SLC22A25: variants seen among roughly 807,000 people sequenced by gnomAD.
SLC22A25 encodes the protein solute carrier family 22 member 25.
A neutral mutation model predicts 45.9 loss-of-function variants in SLC22A25; 44 were observed. The ratio of observed to expected loss-of-function variants is 0.96; its 90% CI spans 0.75 to 1.23. The LOEUF (loss-of-function observed/expected upper bound fraction) is 1.23, where lower values mean the gene tolerates loss of function less well. SLC22A25 is among the 50% of genes most tolerant of loss of function. The probability of loss-of-function intolerance (pLI) is 0.00; values close to 1 mark genes in which losing one functional copy is unlikely to be tolerated. For missense variants in SLC22A25, 800 were observed against 666.4 expected, an observed-to-expected ratio of 1.20 and a Z score of -2.21; for synonymous variants, 283 against 238.6, an observed-to-expected ratio of 1.19 and a Z score of -1.72.
Position 63,164,646 on chromosome 11 carries a change from A to G in SLC22A25, c.1286-12T>C, listed in dbSNP as rs748372579. The G allele has an allele frequency of 1.9e-6, 3 of 1,603,812 alleles. No homozygotes were observed. The highest frequency in any genetic ancestry group is 2.6e-6 in the Non-Finnish European group (3 of 1,170,856). On this transcript the variant is annotated splice_polypyrimidine_tract_variant and intron_variant, in intron 10 of 11. Transcript: ENST00000306494. Reference sequence around the variant, plus strand: ...CAGGGTCTGCATTTCTGGAGAAAGGAAGACCACAGGGCCTCAGGAAATCTG... The same window carrying G: ...CAGGGTCTGCATTTCTGGAGAAAGGGAGACCACAGGGCCTCAGGAAATCTG...
At chr11:63,204,554 A>G (rs1327223257) in intron 7 of SLC22A25, among the ~76,000 whole-genome samples, 4 of 152,168 alleles carry the variant, frequency 2.6e-5, no homozygotes, top group African/African-American at 7.2e-5. Context: ...AAGATCAAAA[A>G]AGTCAAAGAA....
chr11:63,209,434 G>A (rs1322028037), intron 7 of SLC22A25, among the ~76,000 whole-genome samples: 2 of 152,178 alleles, frequency 1.3e-5, no homozygotes, highest in Non-Finnish European at 2.9e-5. Flanking sequence ...GCCAGAATAA[G>A]GCAGGAGGCA....
chr11:63,168,027 A>G (rs1382492769), intron 9 of SLC22A25: 3 of 324,400 alleles, frequency 9.2e-6, no homozygotes, highest in South Asian at 2.3e-5. Context: ...AGCAAACAGG[A>G]TCTGGAGTGG....
rs187383405 is a variant in SLC22A25, at chr11:63,199,320, C to T, written c.831-15503G>A. 4.2e-3 allele frequency among the ~76,000 whole-genome samples: 633 copies of T among 152,188 alleles called. 6 individuals are homozygous for T. Among genetic ancestry groups the T allele is most frequent in the African/African-American group, 0.014 (576 of 41,544 alleles). The stretch of plus-strand genomic sequence containing the variant: ...AAATCTAGAAGAAATGGATAAATTC[C>T]TGGACACATAAACCCTCCCAAGACT... On this transcript the variant is annotated intron_variant, in intron 7 of 11. Transcript: ENST00000306494.
At chr11:63,176,548 G>A (rs2088096136) in intron 9 of SLC22A25, among the ~76,000 whole-genome samples, 1 of 151,724 alleles carries the variant, frequency 6.6e-6, no homozygotes. Context: ...ATTTTTAAGT[G>A]CATTTTGTAT....
Position 63,217,313 on chromosome 11 carries a change from C to T in SLC22A25, c.830+1G>A. The T allele has an allele frequency of 1.9e-6, 3 of 1,612,860 alleles. No homozygotes were observed. Among genetic ancestry groups the T allele is most frequent in the South Asian group, 1.1e-5 (1 of 90,946 alleles). On this transcript the variant is annotated splice_donor_variant, in intron 7 of 11. Transcript: ENST00000306494. LOFTEE classifies it high-confidence loss of function. ...GCAAAAGAAGAATGCAAGCTCAATA[C>T]CTTGAGAACAGAAAGAAGACAAAGC...
chr11:63,235,488 G>A (rs146184153), intron 3 of SLC22A25, among the ~76,000 whole-genome samples: 46 of 152,050 alleles, frequency 3.0e-4, no homozygotes, highest in East Asian at 7.7e-4. Context: ...CATTGTTTTC[G>A]GCTTCATCAG....
At chr11:63,236,078 T>G (rs1180747391) in intron 3 of SLC22A25, among the ~76,000 whole-genome samples, 1 of 152,228 alleles carries the variant, frequency 6.6e-6, no homozygotes, top group East Asian at 1.9e-4. Flanking sequence ...CCAGTTAGGC[T>G]ACTTGGTGTT....
At position 63,241,944 on chromosome 11, in the gene SLC22A25, A is replaced by C. The variant is rs546770221; in HGVS notation, c.-996+1490T>G. On this transcript the variant is annotated intron_variant, in intron 1 of 11. Transcript: ENST00000306494. Reference sequence around the variant, plus strand: ...AAAGATGGTTAAGGATATTACATTCAAACTCTGTCAAACAGAAATGAGGTT... The same window carrying C: ...AAAGATGGTTAAGGATATTACATTCCAACTCTGTCAAACAGAAATGAGGTT... 1.6e-4 allele frequency among the ~76,000 whole-genome samples: 25 copies of C among 152,328 alleles called. 1 individual carries two copies. In the South Asian group the frequency reaches 5.0e-3, roughly 30 times the overall value.
intron 7 of SLC22A25, among the ~76,000 whole-genome samples, chr11:63,198,914 G>A (rs2134773604): frequency 6.6e-6 from 1 of 152,088 alleles, no homozygotes; most frequent in East Asian, 1.9e-4. Context: ...GCAGTGTTAA[G>A]GTGGAAATTT....
chr11:63,212,599 T>C (rs1432877381), intron 7 of SLC22A25, among the ~76,000 whole-genome samples: 1 of 138,380 alleles, frequency 7.2e-6, no homozygotes, highest in Non-Finnish European at 1.5e-5. Context: ...TTCTCACTTA[T>C]AGGTGGGAAT....
intron 3 of SLC22A25, among the ~76,000 whole-genome samples, 139 bp downstream of exon 3, chr11:63,237,742 G>A (rs1278469862): frequency 4.6e-5 from 7 of 152,112 alleles, no homozygotes; most frequent in Non-Finnish European, 1.0e-4. Flanking sequence ...GTGCTGACAG[G>A]ATAGCCCTCA....
rs1193690007 is a variant in SLC22A25 at position 63,185,340 on chromosome 11, A to C, written c.831-1523T>G. Among the ~76,000 whole-genome samples, 25 of 142,826 alleles carry C rather than the reference A, an allele frequency of 1.8e-4. No homozygotes were observed. In the East Asian group the frequency reaches 1.8e-3, roughly 10 times the overall value. 93.7% of individuals were successfully genotyped at this position (142,826 alleles called of 152,430 possible). On this transcript the variant is annotated intron_variant, in intron 7 of 11. Transcript: ENST00000306494. The stretch of plus-strand genomic sequence containing the variant: ...GAGTGATGTTCCCCTTCCTGTGTCC[A>C]TGTGTTCTCATTGTTCAATTCCCAC...
intron 7 of SLC22A25, among the ~76,000 whole-genome samples, chr11:63,195,321 G>A (rs370056878): frequency 3.7e-4 from 57 of 152,042 alleles, no homozygotes; most frequent in Admixed American, 8.5e-4. Context: ...GCACCACACC[G>A]CACTTATTCC....
intron 7 of SLC22A25, among the ~76,000 whole-genome samples, chr11:63,209,003 T>A (rs2089485757): frequency 6.6e-6 from 1 of 152,002 alleles, no homozygotes; most frequent in Non-Finnish European, 1.5e-5. Flanking sequence ...AAAAAAGGAT[T>A]TAGAGGTGAT....
At chr11:63,166,391 C>A in intron 9 of SLC22A25, 133 bp from the exon 10 acceptor site, 2 of 1,450,134 alleles carry the variant, frequency 1.4e-6, no homozygotes, top group Non-Finnish European at 1.8e-6. Flanking sequence ...GGAATATTTT[C>A]TTGCAAGTTG....
At chr11:63,221,823 G>A (rs2089859686) in intron 5 of SLC22A25, among the ~76,000 whole-genome samples, 1 of 151,950 alleles carries the variant, frequency 6.6e-6, no homozygotes, top group Non-Finnish European at 1.5e-5. Flanking sequence ...CAAAGATAGG[G>A]GTCTAATTTT....
chr11:63,166,383 A>G, intron 9 of SLC22A25, 125 bp from the exon 10 acceptor site: 1 of 1,454,906 alleles, frequency 6.9e-7, no homozygotes, highest in South Asian at 1.5e-5. Flanking sequence ...TGTTTTGTGG[A>G]ATATTTTCTT....
At chr11:63,192,632 G>A (rs10792406) in intron 7 of SLC22A25, among the ~76,000 whole-genome samples, 74,518 of 151,990 alleles carry the variant, frequency 0.49, 19,199 homozygotes, top group Non-Finnish European at 0.57. Flanking sequence ...CAAAGTTAAG[G>A]GATGTAGAAA....
Sources: allele counts gnomAD v4.1 joint callset (sites outside exome capture counted in the v4.1 genomes callset), GRCh38; gene constraint gnomAD v4.1.1; transcripts MANE v1.5; gene names NCBI Gene and HGNC (gene_info 2026-07-23, HGNC 2026-07-21).